ARMC9: variants seen among roughly 807,000 people sequenced by gnomAD.
The protein encoded by ARMC9 is lisH domain-containing protein ARMC9.
ARMC9 carries 94 observed loss-of-function variants against 107.0 expected under a neutral mutation model. The ratio of observed to expected loss-of-function variants is 0.88; its 90% CI spans 0.74 to 1.04. ARMC9 has a LOEUF of 1.04. Among genes scored for constraint, ARMC9 ranks in the 50% least tolerant of loss-of-function variants. The pLI is 0.00. For missense variants in ARMC9, 942 were observed against 1,030.1 expected, an observed-to-expected ratio of 0.91 and a Z score of 1.17; for synonymous variants, 380 against 396.9, an observed-to-expected ratio of 0.96 and a Z score of 0.51.
At chr2:231,247,603 G>T (rs1291098076) in intron 9 of ARMC9, among the ~76,000 whole-genome samples, 3 of 152,176 alleles carry the variant, frequency 2.0e-5, no homozygotes, top group Non-Finnish European at 4.4e-5. Context: ...AATGCCTGTT[G>T]CATACCCAGA....
rs1371366073 is a variant in ARMC9, at chr2:231,360,966, GA to G, written c.2261+84del. 3.5e-6 allele frequency: 5 copies of G among 1,446,068 alleles called. No individual in the cohort carries two copies. The highest frequency in any genetic ancestry group is 1.4e-5 in the African/African-American group (1 of 69,948). The allele number at this position is 1,446,068 out of a possible 1,614,324, so 89.6% of individuals were successfully genotyped here. ...CCCACGCCGGATGCAGAGCACCCAG[GA>G]GACCTGGAAGGCTCCTCTGAGGCCC... On this transcript the variant is annotated intron_variant, in intron 23 of 24. Coordinates refer to ENST00000611582, the MANE Select transcript of ARMC9 (RefSeq NM_001352754.2). The surrounding 1 kb of genome is among the most constrained non-coding windows in gnomAD (Gnocchi z 4.7).
chr2:231,240,021 G>T lies in ARMC9; in HGVS notation c.859G>T (p.Asp287Tyr), dbSNP rs2036139886. Residue 287 changes from aspartate to tyrosine, a missense_variant, in exon 9 of 25, where the codon GAC (aspartate) becomes TAC (tyrosine). Coordinates refer to ENST00000611582, the MANE Select transcript of ARMC9 (RefSeq NM_001352754.2). ...GCGGCAGAGCCTGGCGCATAGTGTGGACTTCACGAGGCCTGGGACGGTGAG... is the reference window on the plus strand; with the variant it reads ...GCGGCAGAGCCTGGCGCATAGTGTGTACTTCACGAGGCCTGGGACGGTGAG... Reference protein sequence around the residue: ...QMRQSLAHSVDFTRPGTASTM... With the variant: ...QMRQSLAHSVYFTRPGTASTM... 1 of 1,613,534 alleles carries T rather than the reference G, an allele frequency of 6.2e-7. No individual in the cohort carries two copies.
chr2:231,363,491 C>T (rs915118344), intron 23 of ARMC9, among the ~76,000 whole-genome samples: 3 of 152,130 alleles, frequency 2.0e-5, no homozygotes, highest in Admixed American at 6.5e-5. Context: ...TTACTTAGCC[C>T]GGCTTTCAGG....
chr2:231,206,209 G>A lies in ARMC9; in HGVS notation c.-30G>A, dbSNP rs772906167. ...TTTTTGCCTTCTAGAGATTTTTGCT[G>A]TGAGAATTAATTACCAGTAACAGTT... On this transcript the variant is annotated 5_prime_UTR_variant, in exon 2 of 25. The change creates a new upstream start codon in the 5' untranslated region. Coordinates refer to ENST00000611582, the MANE Select transcript of ARMC9 (RefSeq NM_001352754.2). 3.1e-6 allele frequency: 5 copies of A among 1,602,966 alleles called. No individual in the cohort carries two copies. Among genetic ancestry groups the A allele is most frequent in the Non-Finnish European group, 4.3e-6 (5 of 1,170,836 alleles).
intron 1 of ARMC9, among the ~76,000 whole-genome samples, chr2:231,202,437 C>G (rs902634886): frequency 2.0e-5 from 3 of 150,282 alleles, no homozygotes; most frequent in African/African-American, 7.3e-5. Context: ...ATCCTCCTGT[C>G]TCATCCTCCC....
chr2:231,219,246 A>G (rs1463484772), intron 5 of ARMC9, among the ~76,000 whole-genome samples: 1 of 150,220 alleles, frequency 6.7e-6, no homozygotes, highest in Non-Finnish European at 1.5e-5. Context: ...CCTTATAGCT[A>G]CCAGTATTTT....
intron 5 of ARMC9, 28 bp from the exon 6 acceptor site, chr2:231,222,700 T>G: frequency 3.2e-6 from 4 of 1,259,520 alleles, no homozygotes; most frequent in Non-Finnish European, 4.6e-6. Flanking sequence ...AATCTAATGT[T>G]TGTATTTTTG....
intron 24 of ARMC9, 147 bp downstream of exon 24, chr2:231,370,272 C>G: frequency 1.1e-6 from 1 of 921,918 alleles, no homozygotes; most frequent in Non-Finnish European, 1.5e-6. Flanking sequence ...CTTCCCCACA[C>G]AACCAGGCCC....
At chr2:231,324,325 A>G (rs939237811) in intron 19 of ARMC9, among the ~76,000 whole-genome samples, 3 of 150,758 alleles carry the variant, frequency 2.0e-5, no homozygotes, top group African/African-American at 7.3e-5. Context: ...ACGGGGTTTC[A>G]CCATATTGGC....
At chr2:231,341,639 A>ATGAT (rs2125578262) in intron 20 of ARMC9, among the ~76,000 whole-genome samples, 1 of 86,468 alleles carries the variant, frequency 1.2e-5, no homozygotes, top group Admixed American at 1.1e-4. Flanking sequence ...AGATAGATAG[A>ATGAT]TGATAGATAG....
chr2:231,349,054 C>G (rs943910371), intron 21 of ARMC9, among the ~76,000 whole-genome samples: 7 of 152,112 alleles, frequency 4.6e-5, no homozygotes, highest in African/African-American at 1.7e-4. Flanking sequence ...AATAGAGCTA[C>G]CACATGATCC....
At position 231,371,752 on chromosome 2, in the gene ARMC9, G is replaced by T; in HGVS notation, c.*217G>T. On this transcript the variant is annotated 3_prime_UTR_variant, in exon 25 of 25. Coordinates refer to ENST00000611582, the MANE Select transcript of ARMC9 (RefSeq NM_001352754.2). ...CAGGGCAGAGCCACCAAGGAGGGCT[G>T]GGGAGAGCCTGGCATTGCCCTCCTG... 1 of 417,388 alleles carries T rather than the reference G, an allele frequency of 2.4e-6. No individual in the cohort carries two copies. The highest frequency in any genetic ancestry group is 3.6e-5 in the East Asian group (1 of 27,956). 25.9% of individuals were successfully genotyped at this position (417,388 alleles called of 1,614,324 possible).
intron 5 of ARMC9, among the ~76,000 whole-genome samples, chr2:231,217,861 T>A (rs2033690725): frequency 6.6e-6 from 1 of 152,104 alleles, no homozygotes; most frequent in Non-Finnish European, 1.5e-5. Context: ...CCTGGCTAAT[T>A]GTTGTATTTT....
intron 7 of ARMC9, among the ~76,000 whole-genome samples, chr2:231,231,377 GA>G (rs1449595019): frequency 6.6e-6 from 1 of 152,014 alleles, no homozygotes; most frequent in Non-Finnish European, 1.5e-5. Context: ...ATATATATAT[GA>G]AAAACTTTAT....
At position 231,208,132 on chromosome 2, in the gene ARMC9, A is replaced by G; in HGVS notation, c.57A>G (p.Leu19=). 1.5e-6 allele frequency: 2 copies of G among 1,357,464 alleles called. No homozygotes were observed. Among genetic ancestry groups the G allele is most frequent in the Non-Finnish European group, 2.1e-6 (2 of 960,856 alleles). The allele number at this position is 1,357,464 out of a possible 1,614,324, so 84.1% of individuals were successfully genotyped here. A position where few individuals can be genotyped will look rare whatever the true frequency, so the allele number is the denominator to read the frequency against. The change falls in exon 3 of 25, where the codon TTA becomes TTG. Residue 19 remains leucine (L), a synonymous_variant. Transcript: ENST00000611582. ...GAATTATTTATTTTTTATAGTATTT[A>G]GATTTTGCTGAATTTGAAGACACCT... ...SELLGLVKEY[L]DFAEFEDTLK...
intron 6 of ARMC9, among the ~76,000 whole-genome samples, chr2:231,224,416 G>T (rs954394161): frequency 6.6e-6 from 1 of 152,204 alleles, no homozygotes; most frequent in Non-Finnish European, 1.5e-5. Flanking sequence ...TTCTGCCATT[G>T]AACTTCAGCC....
At chr2:231,302,336 G>T (rs1228682253) in intron 19 of ARMC9, among the ~76,000 whole-genome samples, 1 of 149,912 alleles carries the variant, frequency 6.7e-6, no homozygotes, top group Non-Finnish European at 1.5e-5. Context: ...ACTTAAAATG[G>T]CAATAGTAAA....
At chr2:231,286,664 A>C (rs772940552) in intron 17 of ARMC9, among the ~76,000 whole-genome samples, 2 of 152,218 alleles carry the variant, frequency 1.3e-5, no homozygotes, top group Admixed American at 1.3e-4. Context: ...TCAAAATATT[A>C]ATATCTATTG....
chr2:231,367,810 C>T (rs1378141931), intron 23 of ARMC9, among the ~76,000 whole-genome samples: 1 of 151,708 alleles, frequency 6.6e-6, no homozygotes, highest in Non-Finnish European at 1.5e-5. Context: ...TTGTGAAACC[C>T]TGTCTCTTCT....
Sources: allele counts gnomAD v4.1 joint callset (sites outside exome capture counted in the v4.1 genomes callset), GRCh38; gene constraint gnomAD v4.1.1; non-coding constraint Gnocchi (gnomAD v3.1); transcripts MANE v1.5; gene names NCBI Gene and HGNC (gene_info 2026-07-23, HGNC 2026-07-21).